Variants in ELOVL7 observed in about 807,000 individuals in gnomAD.
ELOVL7 encodes ELOVL fatty acid elongase 7.
In ELOVL7, 27 loss-of-function variants were observed where a neutral mutation model predicts 35.7. The observed-to-expected ratio is 0.76, with a 90% CI of 0.56 to 1.04. The LOEUF is 1.04. Ranked by LOEUF, ELOVL7 falls within the 50% of genes least tolerant of loss-of-function variation. The pLI is 0.00. For missense variants in ELOVL7, 327 were observed against 340.8 expected, an observed-to-expected ratio of 0.96 and a Z score of 0.32; for synonymous variants, 113 against 114.6, an observed-to-expected ratio of 0.99 and a Z score of 0.09.
chr5:60,768,692 T>C, intron 4 of ELOVL7: 1 of 456,182 alleles, frequency 2.2e-6, no homozygotes, highest in South Asian at 1.5e-5. Context: ...AAACAGTATC[T>C]GAAAAGGAAA....
chr5:60,838,208 C>T (rs1342103289), intron 1 of ELOVL7, among the ~76,000 whole-genome samples: 1 of 152,182 alleles, frequency 6.6e-6, no homozygotes, highest in East Asian at 1.9e-4. Context: ...TCAACTCACA[C>T]CCTCTTCCTA....
chr5:60,763,220 G>A (rs981133036), intron 7 of ELOVL7, among the ~76,000 whole-genome samples: 1 of 152,206 alleles, frequency 6.6e-6, no homozygotes, highest in Non-Finnish European at 1.5e-5. Flanking sequence ...CATAAGCCAT[G>A]GTAGCGACAG....
At chr5:60,843,750 T>C (rs1579961485) in intron 1 of ELOVL7, among the ~76,000 whole-genome samples, 1 of 151,618 alleles carries the variant, frequency 6.6e-6, no homozygotes, top group Non-Finnish European at 1.5e-5. Flanking sequence ...CCTCTGCCCC[T>C]CCCGCTCCGC....
At chr5:60,793,008 C>T (rs1744032999) in intron 2 of ELOVL7, among the ~76,000 whole-genome samples, 1 of 152,162 alleles carries the variant, frequency 6.6e-6, no homozygotes, top group African/African-American at 2.4e-5. Context: ...ATGGTCCACA[C>T]AAACTTTTCA....
chr5:60,802,934 T>G (rs1579877326), intron 1 of ELOVL7, among the ~76,000 whole-genome samples: 1 of 152,146 alleles, frequency 6.6e-6, no homozygotes. Context: ...TTCTCCTGAG[T>G]TGGCAAAATT....
Position 60,753,008 on chromosome 5 carries a change from T to C in ELOVL7, c.*1616A>G, listed in dbSNP as rs980791718. 6.6e-6 allele frequency: 1 copy of C among 151,986 alleles called. No individual in the cohort carries two copies. The highest frequency in any genetic ancestry group is 1.5e-5 in the Non-Finnish European group (1 of 67,998). 9.4% of individuals were successfully genotyped at this position (151,986 alleles called of 1,614,324 possible). A position where few individuals can be genotyped will look rare whatever the true frequency, so the allele number is the denominator to read the frequency against. On this transcript the variant is annotated 3_prime_UTR_variant, in exon 9 of 9. Coordinates refer to ENST00000508821, the MANE Select transcript of ELOVL7 (RefSeq NM_024930.3). ...CTCCCATTTATCAACCTTTACCTTC[T>C]CATGCTGTAATCAAGTAAAATCACA...
chr5:60,804,326 T>A (rs1283044275), intron 1 of ELOVL7, among the ~76,000 whole-genome samples: 1 of 152,160 alleles, frequency 6.6e-6, no homozygotes, highest in Non-Finnish European at 1.5e-5. Context: ...CATCATTCTA[T>A]AATTGGAGAG....
chr5:60,825,609 T>G (rs542778825), intron 1 of ELOVL7, among the ~76,000 whole-genome samples: 2 of 152,256 alleles, frequency 1.3e-5, no homozygotes, highest in East Asian at 3.9e-4. Context: ...ACTGAAATAT[T>G]TGTTGAATGA....
At chr5:60,757,962 A>G (rs1396177818) in intron 7 of ELOVL7, among the ~76,000 whole-genome samples, 1 of 152,130 alleles carries the variant, frequency 6.6e-6, no homozygotes, top group Non-Finnish European at 1.5e-5. Context: ...TAATAGTAAT[A>G]ATGTTCATAT....
intron 7 of ELOVL7, among the ~76,000 whole-genome samples, chr5:60,760,852 C>A (rs979069202): frequency 6.6e-6 from 1 of 151,862 alleles, no homozygotes; most frequent in African/African-American, 2.4e-5. Context: ...TCAGGAGTGC[C>A]TATTTTCTAT....
chr5:60,836,222 T>A (rs2112401623), intron 1 of ELOVL7, among the ~76,000 whole-genome samples: 2 of 152,194 alleles, frequency 1.3e-5, no homozygotes, highest in South Asian at 4.1e-4. Flanking sequence ...ATTTTTTTCC[T>A]TTAGAAGAAT....
intron 6 of ELOVL7, 132 bp from the exon 7 acceptor site, chr5:60,764,464 CT>C: frequency 1.5e-6 from 1 of 675,406 alleles, no homozygotes; most frequent in South Asian, 2.2e-5. Flanking sequence ...TTATAGAATG[CT>C]TACAGAAGCA....
chr5:60,790,793 A>G lies in ELOVL7; in HGVS notation c.-34-3362T>C, dbSNP rs2112250187. Among the ~76,000 whole-genome samples the G allele has an allele frequency of 2.0e-5, 3 of 152,324 alleles. 1 individual carries two copies. The highest frequency in any genetic ancestry group is 2.0e-4 in the Admixed American group (3 of 15,304). On this transcript the variant is annotated intron_variant, in intron 2 of 8. Transcript: ENST00000508821. ...ACAGCTCAATTTCCTAATCTGTAAA[A>G]TGGGAATTCCATTAATTACCCACCA... is the stretch of plus-strand genomic sequence containing the variant.
chr5:60,837,219 AG>A (rs1302168348), intron 1 of ELOVL7, among the ~76,000 whole-genome samples: 1 of 150,646 alleles, frequency 6.6e-6, no homozygotes, highest in Non-Finnish European at 1.5e-5. Flanking sequence ...AGATCACCTG[AG>A]GTCGGGAGTC....
intron 1 of ELOVL7, among the ~76,000 whole-genome samples, chr5:60,838,058 G>C (rs1348884554): frequency 6.6e-6 from 1 of 152,210 alleles, no homozygotes; most frequent in African/African-American, 2.4e-5. Context: ...GCAAGCGCCA[G>C]AGAGATTCAA....
At chr5:60,766,775 C>A in intron 5 of ELOVL7, 145 bp from the exon 6 acceptor site, 2 of 633,204 alleles carry the variant, frequency 3.2e-6, no homozygotes, top group South Asian at 2.4e-5. Flanking sequence ...AGTACCTTCA[C>A]ACTGTTGTTC....
intron 1 of ELOVL7, among the ~76,000 whole-genome samples, chr5:60,808,926 T>G (rs1388047927): frequency 1.3e-5 from 2 of 152,192 alleles, no homozygotes; most frequent in African/African-American, 4.8e-5. Context: ...ACTATAAAGT[T>G]GGAGAACATG....
chr5:60,809,351 C>T (rs1745119012), intron 1 of ELOVL7, among the ~76,000 whole-genome samples: 1 of 152,096 alleles, frequency 6.6e-6, no homozygotes. Flanking sequence ...AGAAATCAAA[C>T]CCAGGCCCCA....
chr5:60,817,018 C>A (rs1745553619), intron 1 of ELOVL7, among the ~76,000 whole-genome samples: 1 of 151,928 alleles, frequency 6.6e-6, no homozygotes, highest in Non-Finnish European at 1.5e-5. Flanking sequence ...TAAACCTGAG[C>A]TAATTATTTT....
Sources: allele counts gnomAD v4.1 joint callset (sites outside exome capture counted in the v4.1 genomes callset), GRCh38; gene constraint gnomAD v4.1.1; transcripts MANE v1.5; gene names NCBI Gene and HGNC (gene_info 2026-07-23, HGNC 2026-07-21).